The following SLC8A3 variants were observed in gnomAD, a reference collection of about 807,000 sequenced individuals.
SLC8A3 encodes solute carrier family 8 member A3.
In SLC8A3, 37 loss-of-function variants were observed where a neutral mutation model predicts 65.4. That is an observed-to-expected ratio of 0.57 (90% CI 0.44 to 0.74). The LOEUF (loss-of-function observed/expected upper bound fraction) is 0.74, where lower values mean the gene tolerates loss of function less well. Ranked by LOEUF, SLC8A3 falls within the 30% of genes least tolerant of loss-of-function variation. The probability of loss-of-function intolerance (pLI) is 0.00; values close to 1 mark genes in which losing one functional copy is unlikely to be tolerated. For synonymous variants in SLC8A3, 461 were observed against 444.5 expected, an observed-to-expected ratio of 1.04 and a Z score of -0.47; for missense variants, 1,112 against 1,172.1, an observed-to-expected ratio of 0.95 and a Z score of 0.75.
chr14:70,070,011 G>A (rs1889866377), intron 2 of SLC8A3, among the ~76,000 whole-genome samples: 1 of 152,172 alleles, frequency 6.6e-6, no homozygotes, highest in African/African-American at 2.4e-5. Context: ...CAGGGAAAGA[G>A]GAGAAGCGGC....
intron 2 of SLC8A3, among the ~76,000 whole-genome samples, chr14:70,136,848 G>C (rs918616600): frequency 6.6e-6 from 1 of 152,250 alleles, no homozygotes; most frequent in Non-Finnish European, 1.5e-5. Flanking sequence ...GGTCTGGGAA[G>C]AGTTGGTTGA....
chr14:70,189,202 A>T (rs1186124808), upstream of SLC8A3: 1 of 152,050 alleles, frequency 6.6e-6, no homozygotes, highest in African/African-American at 2.4e-5. Flanking sequence ...CCCCCGAGGG[A>T]CGAATTCAGA....
At chr14:70,070,849 C>A (rs756121146) in intron 2 of SLC8A3, among the ~76,000 whole-genome samples, 2 of 152,182 alleles carry the variant, frequency 1.3e-5, no homozygotes, top group African/African-American at 2.4e-5. Context: ...TAAAGAGAAA[C>A]CCTGATTTGG....
intron 1 of SLC8A3, among the ~76,000 whole-genome samples, chr14:70,181,559 T>G (rs895835170): frequency 6.6e-6 from 1 of 151,904 alleles, no homozygotes; most frequent in Non-Finnish European, 1.5e-5. Context: ...AGGGACAGCT[T>G]CTCCATAAAG....
chr14:70,144,306 CTGTTTTT>C (rs1276718857), intron 2 of SLC8A3, among the ~76,000 whole-genome samples: 5 of 51,060 alleles, frequency 9.8e-5, no homozygotes, highest in African/African-American at 3.9e-4. Context: ...CGAAAACTTC[CTGTTTTT>C]TTTTTTTTTT....
intron 2 of SLC8A3, among the ~76,000 whole-genome samples, chr14:70,131,897 G>A (rs1334068244): frequency 6.6e-6 from 1 of 152,010 alleles, no homozygotes; most frequent in Non-Finnish European, 1.5e-5. Context: ...AGAGAAGGAA[G>A]TGGAGGTGGG....
At chr14:70,056,961 C>T (rs1157052665) in intron 3 of SLC8A3, among the ~76,000 whole-genome samples, 2 of 152,176 alleles carry the variant, frequency 1.3e-5, no homozygotes, top group Non-Finnish European at 2.9e-5. Context: ...CCTTGGCTCT[C>T]AGATAAAGGT....
chr14:70,109,487 C>G (rs1893130989), intron 2 of SLC8A3, among the ~76,000 whole-genome samples: 1 of 151,696 alleles, frequency 6.6e-6, no homozygotes, highest in African/African-American at 2.4e-5. Flanking sequence ...CAGAGTCTCA[C>G]TCTGTTTCCC....
At chr14:70,135,377 T>A (rs1895121396) in intron 2 of SLC8A3, among the ~76,000 whole-genome samples, 1 of 152,194 alleles carries the variant, frequency 6.6e-6, no homozygotes, top group East Asian at 1.9e-4. Context: ...GATCTAGCAA[T>A]CCTACCACTG....
chr14:70,145,279 C>T (rs1895857451), intron 2 of SLC8A3, among the ~76,000 whole-genome samples: 1 of 152,194 alleles, frequency 6.6e-6, no homozygotes, highest in Non-Finnish European at 1.5e-5. Context: ...CACCTACTTC[C>T]AAATCCCTTA....
At chr14:70,153,603 C>T (rs796641050) in intron 2 of SLC8A3, among the ~76,000 whole-genome samples, 4 of 152,310 alleles carry the variant, frequency 2.6e-5, no homozygotes, top group African/African-American at 9.6e-5. Flanking sequence ...CAACTGTGAC[C>T]TCCCTGAGGA....
chr14:70,074,888 C>A (rs1890339579), intron 2 of SLC8A3, among the ~76,000 whole-genome samples: 1 of 152,132 alleles, frequency 6.6e-6, no homozygotes, highest in Non-Finnish European at 1.5e-5. Flanking sequence ...TAACCCTAAC[C>A]CTAGGGAGGC....
intron 2 of SLC8A3, among the ~76,000 whole-genome samples, chr14:70,156,759 TG>T (rs949624786): frequency 1.3e-5 from 2 of 149,092 alleles, no homozygotes. Context: ...AGGGGAGGGG[TG>T]GGGAGGGAGA....
chr14:70,059,958 A>G (rs1194342997), intron 3 of SLC8A3, among the ~76,000 whole-genome samples: 2 of 152,164 alleles, frequency 1.3e-5, no homozygotes, highest in Non-Finnish European at 2.9e-5. Flanking sequence ...TAGAGGTTGC[A>G]TTGTCCCAAA....
chr14:70,171,839 A>T (rs978648612), intron 1 of SLC8A3, among the ~76,000 whole-genome samples: 4 of 151,200 alleles, frequency 2.6e-5, no homozygotes, highest in African/African-American at 9.7e-5. Flanking sequence ...AGGCGGTGAG[A>T]TGGCTAGTAA....
chr14:70,064,331 A>G (rs1889161852), intron 2 of SLC8A3, among the ~76,000 whole-genome samples: 2 of 152,204 alleles, frequency 1.3e-5, no homozygotes, highest in African/African-American at 4.8e-5. Context: ...CTCGGCCACT[A>G]AGGTCCTCCC....
At chr14:70,186,272 G>A (rs1883209247) in intron 1 of SLC8A3, among the ~76,000 whole-genome samples, 1 of 152,144 alleles carries the variant, frequency 6.6e-6, no homozygotes, top group African/African-American at 2.4e-5. Context: ...GGCCTCCCCA[G>A]CCCTGTGGAA....
At chr14:70,159,366 C>CCACTT (rs1235122165) in intron 2 of SLC8A3, among the ~76,000 whole-genome samples, 2 of 150,320 alleles carry the variant, frequency 1.3e-5, no homozygotes, top group African/African-American at 4.9e-5. Context: ...TCAGATTATG[C>CCACTT]CACTTCACTT....
chr14:70,084,957 T>C (rs971731173), intron 2 of SLC8A3, among the ~76,000 whole-genome samples: 9 of 152,126 alleles, frequency 5.9e-5, no homozygotes, highest in African/African-American at 2.2e-4. Context: ...AACTGTGTAG[T>C]AGGGGAAGGA....
Sources: allele counts gnomAD v4.1 joint callset (sites outside exome capture counted in the v4.1 genomes callset), GRCh38; gene constraint gnomAD v4.1.1; transcripts MANE v1.5; gene names NCBI Gene and HGNC (gene_info 2026-07-23, HGNC 2026-07-21).